The following ATP8B4 variants were observed in gnomAD, a reference collection of about 807,000 sequenced individuals.
ATP8B4 encodes ATPase phospholipid transporting 8B4 (putative), also known as probable phospholipid-transporting ATPase IM.
ATP8B4 carries 133 observed loss-of-function variants against 145.6 expected under a neutral mutation model. The observed-to-expected ratio is 0.91, with a 90% CI of 0.79 to 1.05. The LOEUF (loss-of-function observed/expected upper bound fraction) is 1.05. Among genes scored for constraint, ATP8B4 ranks in the 50% least tolerant of loss-of-function variants. The pLI is 0.00. For synonymous variants in ATP8B4, 507 were observed against 492.9 expected (o/e 1.03, Z -0.38); for missense variants, 1,458 against 1,425.2 (o/e 1.02, Z -0.37).
At chr15:50,105,029 C>A (rs569373634) in intron 2 of ATP8B4, among the ~76,000 whole-genome samples, 63 of 151,904 alleles carry the variant, frequency 4.1e-4, no homozygotes, top group African/African-American at 1.5e-3. Context: ...ATGTCCTCAC[C>A]CATAAGTGGG....
At chr15:49,926,903 G>A (rs1469493633) in intron 16 of ATP8B4, among the ~76,000 whole-genome samples, 1 of 152,156 alleles carries the variant, frequency 6.6e-6, no homozygotes, top group Non-Finnish European at 1.5e-5. Flanking sequence ...AGAAATGCCT[G>A]TCACATGACA....
chr15:49,882,509 A>C (rs1007045831), intron 23 of ATP8B4, among the ~76,000 whole-genome samples: 1 of 152,242 alleles, frequency 6.6e-6, no homozygotes, highest in Non-Finnish European at 1.5e-5. Flanking sequence ...TGTGGGATAA[A>C]GACATTATCA....
chr15:50,091,322 G>C (rs2153655827), intron 2 of ATP8B4, among the ~76,000 whole-genome samples: 1 of 152,170 alleles, frequency 6.6e-6, no homozygotes, highest in East Asian at 1.9e-4. Flanking sequence ...TCAAATACTG[G>C]ATCAAAGGGG....
intron 3 of ATP8B4, among the ~76,000 whole-genome samples, chr15:50,061,880 T>A (rs1191036710): frequency 6.6e-6 from 1 of 152,194 alleles, no homozygotes; most frequent in African/African-American, 2.4e-5. Context: ...AGAAAAGAAA[T>A]GCATTTATCT....
chr15:50,087,171 T>C, intron 2 of ATP8B4, among the ~76,000 whole-genome samples: 1 of 128,518 alleles, frequency 7.8e-6, no homozygotes, highest in South Asian at 2.3e-4. Flanking sequence ...ATCTCTATTA[T>C]ATATAATAAA....
chr15:49,978,688 C>A (rs1471362109), intron 12 of ATP8B4, among the ~76,000 whole-genome samples: 3 of 147,524 alleles, frequency 2.0e-5, no homozygotes, highest in African/African-American at 5.0e-5. Context: ...GGATTAGGAT[C>A]AAAAATGTCC....
At chr15:50,062,285 T>C (rs571579259) in intron 3 of ATP8B4, among the ~76,000 whole-genome samples, 1 of 152,200 alleles carries the variant, frequency 6.6e-6, no homozygotes, top group South Asian at 2.1e-4. Flanking sequence ...TCTAGTGAGA[T>C]CTTGTCATTT....
intron 6 of ATP8B4, among the ~76,000 whole-genome samples, chr15:50,020,519 G>A (rs563651180): frequency 7.2e-5 from 11 of 151,966 alleles, no homozygotes; most frequent in Non-Finnish European, 1.5e-4. Context: ...TGATCTGCCC[G>A]CCTCAGCCTC....
intron 13 of ATP8B4, among the ~76,000 whole-genome samples, 172 bp from the exon 14 acceptor site, chr15:49,962,192 G>T (rs894485333): frequency 1.3e-5 from 2 of 152,164 alleles, no homozygotes; most frequent in South Asian, 4.1e-4. Flanking sequence ...CATAAACATG[G>T]CAATTATGCA....
intron 1 of ATP8B4, among the ~76,000 whole-genome samples, chr15:50,138,409 TGATAGATA>T (rs56946522): frequency 1.1e-4 from 15 of 142,802 alleles, no homozygotes; most frequent in South Asian, 2.2e-4. Context: ...GACAGAGAGA[TGATAGATA>T]GATAGAGAGA....
chr15:50,142,552 G>A (rs955329859), intron 1 of ATP8B4, among the ~76,000 whole-genome samples: 2 of 152,076 alleles, frequency 1.3e-5, no homozygotes, highest in Non-Finnish European at 2.9e-5. Flanking sequence ...AAAACAACAC[G>A]GCTATATTTC....
intron 6 of ATP8B4, among the ~76,000 whole-genome samples, chr15:50,031,562 CT>C (rs1567229350): frequency 3.9e-5 from 3 of 77,056 alleles, no homozygotes; most frequent in Non-Finnish European, 6.3e-5. Context: ...GTTCAATGAT[CT>C]TTGGGTTTTT....
intron 9 of ATP8B4, among the ~76,000 whole-genome samples, chr15:49,995,266 G>A (rs116321423): frequency 0.025 from 3,749 of 152,226 alleles, 160 homozygotes; most frequent in African/African-American, 0.085. Context: ...GGAAAGAAAT[G>A]AGTAATAGTA....
chr15:50,130,823 T>C (rs1313587895), intron 1 of ATP8B4, among the ~76,000 whole-genome samples: 1 of 152,116 alleles, frequency 6.6e-6, no homozygotes, highest in African/African-American at 2.4e-5. Context: ...GATTGCAATG[T>C]CTAAGCAACC....
Position 49,996,739 on chromosome 15 carries a change from C to A in ATP8B4, c.527G>T (p.Arg176Leu), listed in dbSNP as rs550588980. Reference sequence around the variant, plus strand: ...TTCTGAAGTAACTGATAGTGCATGGCGGACTTTTAGGTTCGTTTCCCTGTG... The same window carrying A: ...TTCTGAAGTAACTGATAGTGCATGGAGGACTTTTAGGTTCGTTTCCCTGTG... ...ELDGETNLKV[R>L]HALSVTSELG... Residue 176 changes from arginine to leucine, a missense_variant, in exon 9 of 28, where the codon CGC (arginine) becomes CTC (leucine). By Grantham distance (102) the Arg-to-Leu change is moderately radical (BLOSUM62 -2). Coordinates refer to ENST00000284509, the MANE Select transcript of ATP8B4 (RefSeq NM_024837.4). 2 of 1,610,072 alleles carry A rather than the reference C, an allele frequency of 1.2e-6. No homozygotes were observed. Among genetic ancestry groups the A allele is most frequent in the Non-Finnish European group, 1.7e-6 (2 of 1,177,248 alleles).
At chr15:49,904,272 A>G (rs933951422) in intron 20 of ATP8B4, among the ~76,000 whole-genome samples, 25 of 152,316 alleles carry the variant, frequency 1.6e-4, no homozygotes, top group African/African-American at 6.0e-4. Context: ...GAGAAAGTAC[A>G]TGAAATTTTG....
intron 14 of ATP8B4, among the ~76,000 whole-genome samples, chr15:49,950,612 A>C (rs1353010387): frequency 0.22 from 22,794 of 103,688 alleles, 2,792 homozygotes; most frequent in Non-Finnish European, 0.31. Flanking sequence ...ACAAACAAAC[A>C]AACAAACAAA....
At chr15:50,073,013 TATATATACAC>T (rs1349433437) in intron 3 of ATP8B4, among the ~76,000 whole-genome samples, 480 of 40,580 alleles carry the variant, frequency 0.012, 25 homozygotes, top group African/African-American at 0.031. Context: ...TATATATATA[TATATATACAC>T]ACACACACAC....
rs976822147 is a variant in ATP8B4, at chr15:49,860,293, T to C, written c.3480A>G (p.Glu1160=). The C allele has an allele frequency of 6.2e-7, 1 of 1,614,092 alleles. No individual in the cohort carries two copies. The highest frequency in any genetic ancestry group is 1.3e-5 in the African/African-American group (1 of 74,956). The change falls in exon 28 of 28, where the codon GAA becomes GAG. Residue 1160 remains glutamate, a synonymous_variant. Coordinates refer to ENST00000284509, the MANE Select transcript of ATP8B4 (RefSeq NM_024837.4). ...AKNPPPTSGL[E]KTHYNSTSWI... Reference sequence around the variant, plus strand: ...AGCTAGTGCTATTATAATGTGTCTTTTCCAGCCCTGATGTTGGGGGTGGAT... The same window carrying C: ...AGCTAGTGCTATTATAATGTGTCTTCTCCAGCCCTGATGTTGGGGGTGGAT...
Sources: gnomAD v4.1 joint callset for allele counts (sites outside exome capture counted in the v4.1 genomes callset) on GRCh38, gnomAD v4.1.1 for gene constraint, MANE v1.5 for transcripts, NCBI Gene and HGNC (gene_info 2026-07-23, HGNC 2026-07-21) for gene names.